Variants in DIP2A observed in about 807,000 individuals in gnomAD.
The protein encoded by DIP2A is disco-interacting protein 2 homolog A.
Under a neutral mutation model 177.4 loss-of-function variants are expected in DIP2A, and 85 were observed. The observed-to-expected ratio is 0.48, with a 90% CI of 0.40 to 0.57. The LOEUF (loss-of-function observed/expected upper bound fraction) is 0.57, where lower values mean the gene tolerates loss of function less well. Among genes scored for constraint, DIP2A ranks in the 20% least tolerant of loss-of-function variants. The pLI is 0.00. For synonymous variants in DIP2A, 886 were observed against 881.8 expected (o/e 1.00, Z -0.08); for missense variants, 1,791 against 2,100.2 (o/e 0.85, Z 2.88).
intron 13 of DIP2A, among the ~76,000 whole-genome samples, chr21:46,536,106 A>C (rs2059558772): frequency 6.6e-6 from 1 of 152,212 alleles, no homozygotes; most frequent in Non-Finnish European, 1.5e-5. Flanking sequence ...TAATAATGAT[A>C]ATAATTTGTG....
At position 46,541,817 on chromosome 21, in the gene DIP2A, TATG is replaced by T; in HGVS notation, c.2099_2101del (p.Tyr700_Gly701delinsCys). 1 of 1,613,932 alleles carries T rather than the reference TATG, an allele frequency of 6.2e-7. No homozygotes were observed. Among genetic ancestry groups the T allele is most frequent in the Non-Finnish European group, 8.5e-7 (1 of 1,179,870 alleles). ...AGTCCTGTCGATGAACGGTCTAAGT[TATG>T]GTGTTATCAGAGTGGATACTGAAGA... is the stretch of plus-strand genomic sequence containing the variant. On this transcript the variant is annotated inframe_deletion, in exon 18 of 38. Coordinates refer to ENST00000417564, the MANE Select transcript of DIP2A (RefSeq NM_015151.4).
At chr21:46,583,758 C>T in the DIP2A span, among the ~76,000 whole-genome samples, 1 of 152,192 alleles carries the variant, frequency 6.6e-6, no homozygotes, top group Non-Finnish European at 1.5e-5. Flanking sequence ...TCTTGCCTTT[C>T]CACCTCCCAC....
Position 46,519,855 on chromosome 21 carries a change from A to ATTTTT in DIP2A, c.1102+8274_1102+8278dup, listed in dbSNP as rs59574579. Among the ~76,000 whole-genome samples, 9 of 53,018 alleles carry ATTTTT rather than the reference A, an allele frequency of 1.7e-4. 1 individual carries two copies. Among genetic ancestry groups the ATTTTT allele is most frequent in the African/African-American group, 5.2e-4 (6 of 11,478 alleles). The allele number at this position is 53,018 out of a possible 152,430, so 34.8% of individuals were successfully genotyped here. The stretch of plus-strand genomic sequence containing the variant: ...GCCCAGAATTAGAATATTGATCTAG[A>ATTTTT]TTTTTTTTTTTTTTTTTTTTTTTTT... On this transcript the variant is annotated intron_variant, in intron 8 of 37. Coordinates refer to ENST00000417564, the MANE Select transcript of DIP2A (RefSeq NM_015151.4).
chr21:46,461,512 A>G (rs889155581), intron 1 of DIP2A, among the ~76,000 whole-genome samples: 6 of 152,016 alleles, frequency 3.9e-5, no homozygotes, highest in Admixed American at 3.9e-4. Context: ...TATTCCCTCA[A>G]TTTTTTGTGT....
At position 46,556,515 on chromosome 21, in the gene DIP2A, C is replaced by T; in HGVS notation, c.3498+424C>T. The T allele has an allele frequency of 3.6e-6, 2 of 554,608 alleles. No individual in the cohort carries two copies. Among genetic ancestry groups the T allele is most frequent in the South Asian group, 3.6e-5 (2 of 55,924 alleles). 34.4% of individuals were successfully genotyped at this position (554,608 alleles called of 1,614,324 possible). On this transcript the variant is annotated intron_variant, in intron 29 of 37. Transcript: ENST00000417564. This position sits in a 1 kb window ranked among gnomAD's most constrained non-coding sequence, Gnocchi z 4.5. The stretch of plus-strand genomic sequence containing the variant: ...TGGCCAACGTGGTGAAACCCCGTCT[C>T]TACTAAAAATACAAAAAATTAGCTG...
intron 21 of DIP2A, among the ~76,000 whole-genome samples, 177 bp from the exon 22 acceptor site, chr21:46,549,594 C>T (rs1390565701): frequency 2.0e-5 from 3 of 152,178 alleles, no homozygotes. Flanking sequence ...ACATTTCAAC[C>T]ATCCTCGAGG....
intron 8 of DIP2A, among the ~76,000 whole-genome samples, chr21:46,521,813 C>G (rs2058836237): frequency 6.6e-6 from 1 of 152,230 alleles, no homozygotes; most frequent in Admixed American, 6.6e-5. Flanking sequence ...AAACCTTCCA[C>G]AACTTGCTCA....
At chr21:46,577,706 C>T in the DIP2A span, among the ~76,000 whole-genome samples, 1 of 152,078 alleles carries the variant, frequency 6.6e-6, no homozygotes, top group Non-Finnish European at 1.5e-5. Flanking sequence ...AGCATTGAAT[C>T]TATACATTAC....
intron 1 of DIP2A, among the ~76,000 whole-genome samples, chr21:46,484,222 T>C (rs1191827425): frequency 1.3e-5 from 2 of 152,170 alleles, no homozygotes; most frequent in African/African-American, 4.8e-5. Flanking sequence ...GCCTTAGAGT[T>C]TGCATTTTTG....
intron 19 of DIP2A, 78 bp from the exon 20 acceptor site, chr21:46,545,803 T>A: frequency 6.5e-7 from 1 of 1,546,340 alleles, no homozygotes; most frequent in Non-Finnish European, 8.9e-7. Context: ...GTGCTGAGCC[T>A]CCTGCCGCCT....
At chr21:46,566,423 C>A in intron 36 of DIP2A, 137 bp from the exon 37 acceptor site, 2 of 1,159,228 alleles carry the variant, frequency 1.7e-6, no homozygotes, top group Non-Finnish European at 2.4e-6. Context: ...CCTTTCTGCA[C>A]GTGGTGTGCG....
At chr21:46,487,297 C>T (rs1601456538) in intron 2 of DIP2A, among the ~76,000 whole-genome samples, 1 of 152,196 alleles carries the variant, frequency 6.6e-6, no homozygotes, top group Middle Eastern at 3.4e-3. Context: ...TATTTATTCA[C>T]CCAAAATAAA....
the DIP2A span, among the ~76,000 whole-genome samples, chr21:46,578,130 G>T: frequency 6.6e-6 from 1 of 152,176 alleles, no homozygotes; most frequent in South Asian, 2.1e-4. Context: ...TGGCCAACAT[G>T]GTGAAATCCT....
chr21:46,518,078 A>G lies in DIP2A; in HGVS notation c.1102+6464A>G, dbSNP rs138825624. The stretch of plus-strand genomic sequence containing the variant: ...ACCATTGTGCTTTTAAAATTCATCC[A>G]TGTTATTGCGGGTAGTTGTAATTCA... On this transcript the variant is annotated intron_variant, in intron 8 of 37. Coordinates refer to ENST00000417564, the MANE Select transcript of DIP2A (RefSeq NM_015151.4). 3.9e-3 allele frequency among the ~76,000 whole-genome samples: 598 copies of G among 152,272 alleles called. 4 individuals are homozygous for G. Among genetic ancestry groups the G allele is most frequent in the African/African-American group, 0.014 (586 of 41,550 alleles).
chr21:46,510,655 G>A (rs1390583008), intron 7 of DIP2A, among the ~76,000 whole-genome samples: 1 of 131,892 alleles, frequency 7.6e-6, no homozygotes, highest in African/African-American at 2.9e-5. Context: ...TTTTGAGGCA[G>A]AGTCTCACTC....
In DIP2A at chr21:46,459,150, C is replaced by A; in HGVS notation, c.19C>A (p.Pro7Thr). 1 of 1,517,448 alleles carries A rather than the reference C, an allele frequency of 6.6e-7. No homozygotes were observed. The highest frequency in any genetic ancestry group is 1.2e-5 in the South Asian group (1 of 81,106). The allele number at this position is 1,517,448 out of a possible 1,614,324, so 94.0% of individuals were successfully genotyped here. ...CCTGGCCATGGCTGACCGCGGGTGC[C>A]CGCTGGAGGCGGCGCCGCTGCCTGC... Reference protein sequence around the residue: MADRGCPLEAAPLPAEV... With the variant: MADRGCTLEAAPLPAEV... The change falls in exon 1 of 38, where the codon CCG (proline) becomes ACG (threonine). Residue 7 changes from proline (P) to threonine (T), a missense_variant. Pro to Thr is a conservative substitution (Grantham distance 38). Coordinates refer to ENST00000417564, the MANE Select transcript of DIP2A (RefSeq NM_015151.4).
intron 1 of DIP2A, among the ~76,000 whole-genome samples, chr21:46,468,763 T>C (rs986198040): frequency 6.6e-6 from 1 of 152,246 alleles, no homozygotes; most frequent in Non-Finnish European, 1.5e-5. Flanking sequence ...ATGTTTATGG[T>C]GATGGTTTCA....
chr21:46,493,212 T>C (rs2057122246), intron 3 of DIP2A, among the ~76,000 whole-genome samples: 2 of 152,204 alleles, frequency 1.3e-5, no homozygotes, highest in South Asian at 4.1e-4. Flanking sequence ...CGTGGGCTGG[T>C]TTTGTTTCTT....
intron 9 of DIP2A, 126 bp from the exon 10 acceptor site, chr21:46,532,001 T>G (rs1022746055): frequency 4.7e-6 from 4 of 843,642 alleles, no homozygotes; most frequent in African/African-American, 3.4e-5. Context: ...TTGTCCCTTA[T>G]GGTTTCAAGC....
Sources: allele counts gnomAD v4.1 joint callset (sites outside exome capture counted in the v4.1 genomes callset), GRCh38; gene constraint gnomAD v4.1.1; non-coding constraint Gnocchi (gnomAD v3.1); transcripts MANE v1.5; gene names NCBI Gene and HGNC (gene_info 2026-07-23, HGNC 2026-07-21).